CDH13: variants seen among roughly 807,000 people sequenced by gnomAD.
The protein encoded by CDH13 is cadherin 13.
CDH13 carries 24 observed loss-of-function variants against 63.8 expected under a neutral mutation model. The observed-to-expected ratio is 0.38, with a 90% CI of 0.27 to 0.53. The LOEUF (loss-of-function observed/expected upper bound fraction) is 0.53, where lower values mean the gene tolerates loss of function less well. Among genes scored for constraint, CDH13 ranks in the 20% least tolerant of loss-of-function variants. CDH13 has a pLI of 0.85. For missense variants in CDH13, 1,049 were observed against 903.1 expected (o/e 1.16, Z -2.07); for synonymous variants, 503 against 355.3 (o/e 1.42, Z -4.67).
At chr16:83,528,073 CA>C (rs1306298799) in intron 7 of CDH13, among the ~76,000 whole-genome samples, 3 of 152,202 alleles carry the variant, frequency 2.0e-5, no homozygotes, top group African/African-American at 7.2e-5. Context: ...GGGCCCCCTA[CA>C]CACAGGCATA....
intron 5 of CDH13, among the ~76,000 whole-genome samples, chr16:83,285,414 C>A (rs184243344): frequency 6.6e-6 from 1 of 151,804 alleles, no homozygotes; most frequent in African/African-American, 2.4e-5. Flanking sequence ...TGACTGCCTG[C>A]AGTTGATTTG....
chr16:83,027,918 AC>A (rs1302316548), intron 2 of CDH13, among the ~76,000 whole-genome samples: 3 of 152,242 alleles, frequency 2.0e-5, no homozygotes, highest in Non-Finnish European at 2.9e-5. Context: ...TAGACTTCAA[AC>A]TAGGGACTGT....
At chr16:83,227,639 C>G (rs1041127508) in intron 5 of CDH13, among the ~76,000 whole-genome samples, 1 of 152,102 alleles carries the variant, frequency 6.6e-6, no homozygotes, top group East Asian at 1.9e-4. Flanking sequence ...ATACGGATAA[C>G]CTGTGAGCAA....
At chr16:82,934,337 A>G (rs1477427189) in intron 2 of CDH13, among the ~76,000 whole-genome samples, 1 of 152,150 alleles carries the variant, frequency 6.6e-6, no homozygotes, top group African/African-American at 2.4e-5. Context: ...GGCCCCTTTT[A>G]TCCATGGCTG....
intron 2 of CDH13, among the ~76,000 whole-genome samples, chr16:82,891,944 G>A (rs16958826): frequency 2.0e-5 from 3 of 152,040 alleles, no homozygotes; most frequent in African/African-American, 4.8e-5. Flanking sequence ...TGAGACAATT[G>A]TTGTTGGTCA....
At chr16:83,485,144 G>T (rs1043380819) in intron 6 of CDH13, among the ~76,000 whole-genome samples, 1 of 152,268 alleles carries the variant, frequency 6.6e-6, no homozygotes, top group East Asian at 1.9e-4. Flanking sequence ...TATCATTTTG[G>T]CAATTCCCCT....
chr16:83,453,026 A>C (rs542747674), intron 6 of CDH13, among the ~76,000 whole-genome samples: 1 of 152,308 alleles, frequency 6.6e-6, no homozygotes, highest in East Asian at 1.9e-4. Context: ...TATATGATGG[A>C]ATACTACTCA....
At position 83,738,344 on chromosome 16, in the gene CDH13, TA is replaced by T. The variant is rs745635611; in HGVS notation, c.1539-9763del. On this transcript the variant is annotated intron_variant, in intron 10 of 13. Coordinates refer to ENST00000567109, the MANE Select transcript of CDH13 (RefSeq NM_001257.5). ...ACGTCACATTAAAAACGTGTGTGTT[TA>T]TGTATACATCGATACATAGGCTGGA... is the stretch of plus-strand genomic sequence containing the variant. Among the ~76,000 whole-genome samples, 5 of 152,378 alleles carry T rather than the reference TA, an allele frequency of 3.3e-5. No individual in the cohort carries two copies. The East Asian group carries it at 9.6e-4, about 29-fold the overall frequency.
chr16:82,646,424 C>A (rs1420984088), intron 1 of CDH13: 1 of 152,152 alleles, frequency 6.6e-6, no homozygotes, highest in Non-Finnish European at 1.5e-5. Context: ...AAACTCCTGA[C>A]CTCAAGTGAT....
chr16:83,438,038 C>A (rs2072366962), intron 6 of CDH13, among the ~76,000 whole-genome samples: 1 of 152,132 alleles, frequency 6.6e-6, no homozygotes, highest in Admixed American at 6.5e-5. Flanking sequence ...GGTCTCCCTA[C>A]TCTCCCCTGT....
intron 1 of CDH13, among the ~76,000 whole-genome samples, chr16:82,700,955 G>GCCCCCCCCCCCCCCCCCCCC (rs572286316): frequency 1.9e-4 from 2 of 10,428 alleles, no homozygotes; most frequent in Non-Finnish European, 2.9e-4. Flanking sequence ...GCTGGAACCC[G>GCCCCCCCCCCCCCCCCCCCC]CCCCCCCCCC....
intron 1 of CDH13, among the ~76,000 whole-genome samples, chr16:82,691,707 G>A (rs1339078208): frequency 8.5e-5 from 13 of 152,234 alleles, no homozygotes; most frequent in South Asian, 2.1e-4. Flanking sequence ...ACCTTTCCTC[G>A]GGCTTCAGAA....
At chr16:83,518,481 G>GTT (rs370361550) in intron 7 of CDH13, among the ~76,000 whole-genome samples, 10,579 of 136,294 alleles carry the variant, frequency 0.078, 433 homozygotes, top group South Asian at 0.14. Context: ...TTTGTTTTTT[G>GTT]TTTTTTTTTG....
chr16:83,018,445 C>A (rs1915023283), intron 2 of CDH13, among the ~76,000 whole-genome samples: 1 of 152,124 alleles, frequency 6.6e-6, no homozygotes, highest in African/African-American at 2.4e-5. Context: ...AACAGAATTT[C>A]CCAGTTGTAA....
At chr16:83,052,714 C>G (rs1010379940) in intron 3 of CDH13, among the ~76,000 whole-genome samples, 1 of 136,626 alleles carries the variant, frequency 7.3e-6, no homozygotes, top group African/African-American at 2.8e-5. Flanking sequence ...AAGACAGAGA[C>G]TGCAGTGAGC....
intron 4 of CDH13, among the ~76,000 whole-genome samples, chr16:83,158,185 T>C (rs142527768): frequency 1.3e-5 from 2 of 152,090 alleles, no homozygotes; most frequent in East Asian, 3.9e-4. Context: ...GACAACAAGG[T>C]CAGAGGCAAT....
intron 2 of CDH13, among the ~76,000 whole-genome samples, chr16:82,923,599 A>C (rs1382386088): frequency 6.6e-6 from 1 of 152,166 alleles, no homozygotes; most frequent in African/African-American, 2.4e-5. Context: ...TGTAACTTCA[A>C]GGAAGCCACT....
At chr16:82,835,655 C>A (rs181895665) in intron 1 of CDH13, among the ~76,000 whole-genome samples, 3 of 152,186 alleles carry the variant, frequency 2.0e-5, no homozygotes. Context: ...AATGCTCTGT[C>A]CCTCCACAGG....
intron 10 of CDH13, among the ~76,000 whole-genome samples, chr16:83,685,230 A>C (rs1014572571): frequency 6.6e-6 from 1 of 152,208 alleles, no homozygotes; most frequent in African/African-American, 2.4e-5. Context: ...ACTGGGAAGC[A>C]ATGTGCATTG....
Sources: gnomAD v4.1 joint callset for allele counts (sites outside exome capture counted in the v4.1 genomes callset) on GRCh38, gnomAD v4.1.1 for gene constraint, MANE v1.5 for transcripts, NCBI Gene and HGNC (gene_info 2026-07-23, HGNC 2026-07-21) for gene names.